The following VWC2 variants were observed in gnomAD, a reference collection of about 807,000 sequenced individuals.
VWC2 encodes brorin.
A neutral mutation model predicts 29.8 loss-of-function variants in VWC2; 14 were observed. The observed-to-expected ratio is 0.47, with a 90% confidence interval of 0.31 to 0.74. The LOEUF (loss-of-function observed/expected upper bound fraction) is 0.74. VWC2 is among the 30% of genes least tolerant of loss of function. The pLI, the probability that VWC2 is intolerant of heterozygous loss-of-function variation, is 0.05. For missense variants in VWC2, 457 were observed against 459.8 expected (o/e 0.99, Z 0.05); for synonymous variants, 213 against 199.0 (o/e 1.07, Z -0.59).
chr7:49,779,589 T>A (rs1254781321), intron 2 of VWC2, among the ~76,000 whole-genome samples: 3 of 152,078 alleles, frequency 2.0e-5, no homozygotes, highest in Non-Finnish European at 4.4e-5. Context: ...TGGCTTATTT[T>A]TTTTTTTCAG....
rs374362608 is a variant in VWC2, at chr7:49,917,571, C to G, written c.*5386C>G. Reference sequence around the variant, plus strand: ...TATCAAAAGCAATCAAAGTATGTACCTAAAGTCAATTTAGTATATTATGAA... The same window carrying G: ...TATCAAAAGCAATCAAAGTATGTACGTAAAGTCAATTTAGTATATTATGAA... On this transcript the variant is annotated 3_prime_UTR_variant, in exon 4 of 4. Coordinates refer to ENST00000340652, the MANE Select transcript of VWC2 (RefSeq NM_198570.5). 9 of 152,192 alleles carry G rather than the reference C, an allele frequency of 5.9e-5. No homozygotes were observed. Among genetic ancestry groups the G allele is most frequent in the Middle Eastern group, 3.4e-3 (1 of 294 alleles). 9.4% of individuals were successfully genotyped at this position (152,192 alleles called of 1,614,324 possible).
intron 3 of VWC2, among the ~76,000 whole-genome samples, chr7:49,884,521 C>T (rs1791811946): frequency 6.6e-6 from 1 of 152,082 alleles, no homozygotes; most frequent in African/African-American, 2.4e-5. Context: ...TTCTCTGGAT[C>T]CTGGGATCCA....
chr7:49,896,356 T>A (rs1456702442), intron 3 of VWC2, among the ~76,000 whole-genome samples: 1 of 151,972 alleles, frequency 6.6e-6, no homozygotes, highest in African/African-American at 2.4e-5. Flanking sequence ...AAGGAAAGTA[T>A]AACACATCAC....
intron 3 of VWC2, among the ~76,000 whole-genome samples, chr7:49,903,004 A>AAC (rs1270670673): frequency 3.3e-5 from 5 of 152,162 alleles, no homozygotes; most frequent in Non-Finnish European, 7.4e-5. Flanking sequence ...ATGGCAAATA[A>AAC]ACACATGAAA....
rs1459527116 is a variant in VWC2 at position 49,845,841 on chromosome 7, C to CAGGA, written c.826+43008_826+43011dup. ...TGGGAGTGGCAAACAAACAGCAATG[C>CAGGA]AGGAAGGAAGAGCGAGTGAGTTAGT... On this transcript the variant is annotated intron_variant, in intron 3 of 3. Transcript: ENST00000340652. Among the ~76,000 whole-genome samples, 3 of 152,278 alleles carry CAGGA rather than the reference C, an allele frequency of 2.0e-5. No homozygotes were observed. The East Asian group carries it at 5.8e-4, about 29-fold the overall frequency.
intron 3 of VWC2, among the ~76,000 whole-genome samples, chr7:49,839,235 G>A (rs775071706): frequency 5.3e-5 from 8 of 152,170 alleles, no homozygotes; most frequent in Non-Finnish European, 1.2e-4. Context: ...TACCCAGTCT[G>A]TGATATTTTA....
In VWC2 at chr7:49,788,741, T is replaced by G. The variant is rs568923449; in HGVS notation, c.696+12610T>G. Among the ~76,000 whole-genome samples the G allele has an allele frequency of 3.8e-3, 535 of 142,252 alleles. 2 individuals carry two copies. Among genetic ancestry groups the G allele is most frequent in the Non-Finnish European group, 6.7e-3 (437 of 65,270 alleles). The allele number at this position is 142,252 out of a possible 152,430, so 93.3% of individuals were successfully genotyped here. On this transcript the variant is annotated intron_variant, in intron 2 of 3. Transcript: ENST00000340652. ...TGGGTGTGGGGTGTGTGTGGATGTG[T>G]GTGTGGATGTGGGTGTGGGGGTGTG...
chr7:49,898,170 G>C (rs943358613), intron 3 of VWC2, among the ~76,000 whole-genome samples: 1 of 151,720 alleles, frequency 6.6e-6, no homozygotes, highest in Non-Finnish European at 1.5e-5. Flanking sequence ...TGCTTTATAT[G>C]TGTGTGTGTA....
At chr7:49,878,631 A>G (rs1791545528) in intron 3 of VWC2, among the ~76,000 whole-genome samples, 1 of 152,072 alleles carries the variant, frequency 6.6e-6, no homozygotes, top group African/African-American at 2.4e-5. Flanking sequence ...CAAGTTGTAT[A>G]TTATTATTAG....
At chr7:49,796,863 G>C (rs142138662) in intron 2 of VWC2, among the ~76,000 whole-genome samples, 1 of 152,244 alleles carries the variant, frequency 6.6e-6, no homozygotes, top group East Asian at 1.9e-4. Context: ...ACTCATATAG[G>C]AGTGTGAATC....
Position 49,912,549 on chromosome 7 carries a change from G to A in VWC2, c.*364G>A, listed in dbSNP as rs773436297. On this transcript the variant is annotated 3_prime_UTR_variant, in exon 4 of 4. Transcript: ENST00000340652. Reference sequence around the variant, plus strand: ...TGCTGTGTTGTCAACCGTCCTCACCGTGTACCTGCATATCTTTTTCAGTTC... The same window carrying A: ...TGCTGTGTTGTCAACCGTCCTCACCATGTACCTGCATATCTTTTTCAGTTC... 1.9e-4 allele frequency: 32 copies of A among 165,196 alleles called. No individual in the cohort carries two copies. The highest frequency in any genetic ancestry group is 3.6e-4 in the Non-Finnish European group (27 of 75,974). 10.2% of individuals were successfully genotyped at this position (165,196 alleles called of 1,614,324 possible).
rs534545403 is a variant in VWC2, at chr7:49,788,828, G to A, written c.696+12697G>A. 8.1e-5 allele frequency among the ~76,000 whole-genome samples: 12 copies of A among 148,334 alleles called. No individual in the cohort carries two copies. In the East Asian group the frequency reaches 2.4e-3, roughly 30 times the overall value. On this transcript the variant is annotated intron_variant, in intron 2 of 3. Transcript: ENST00000340652. The stretch of plus-strand genomic sequence containing the variant: ...TGTGGGTGCGTGTGAGAGTGGATAT[G>A]TGGGTATGAGTGTGTGTGAGCATGT...
chr7:49,832,603 T>C (rs1789561212), intron 3 of VWC2, among the ~76,000 whole-genome samples: 1 of 152,290 alleles, frequency 6.6e-6, no homozygotes, highest in East Asian at 1.9e-4. Context: ...TGAAATCTCC[T>C]GTTTTTTAGG....
At chr7:49,834,968 A>G (rs1016734064) in intron 3 of VWC2, among the ~76,000 whole-genome samples, 1 of 152,156 alleles carries the variant, frequency 6.6e-6, no homozygotes, top group Admixed American at 6.5e-5. Flanking sequence ...TTAATATAGA[A>G]AGTGTATTTG....
At chr7:49,909,307 T>A (rs1267568002) in intron 3 of VWC2, among the ~76,000 whole-genome samples, 4 of 152,016 alleles carry the variant, frequency 2.6e-5, no homozygotes, top group African/African-American at 9.7e-5. Context: ...CAAATTTACC[T>A]CTGCAAAAAA....
intron 3 of VWC2, among the ~76,000 whole-genome samples, chr7:49,882,852 GT>G (rs953717391): frequency 1.3e-5 from 2 of 151,334 alleles, no homozygotes; most frequent in African/African-American, 2.4e-5. Flanking sequence ...GTGTTTTTGG[GT>G]TTTTTTTGTT....
At chr7:49,780,954 A>T (rs559472682) in intron 2 of VWC2, among the ~76,000 whole-genome samples, 5 of 152,250 alleles carry the variant, frequency 3.3e-5, no homozygotes, top group Admixed American at 6.5e-5. Context: ...ACCTTCATCT[A>T]AATAGATCTC....
intron 3 of VWC2, among the ~76,000 whole-genome samples, chr7:49,859,790 GCACA>G (rs57768700): frequency 0.019 from 227 of 12,012 alleles, 1 homozygote; most frequent in Non-Finnish European, 0.031. Context: ...GCGCGTGCGT[GCACA>G]CACACACACA....
intron 3 of VWC2, among the ~76,000 whole-genome samples, chr7:49,863,955 T>A (rs1029851584): frequency 6.6e-6 from 1 of 152,198 alleles, no homozygotes. Flanking sequence ...TTTTAAAATA[T>A]TTTTTCTTTA....
Sources: gnomAD v4.1 joint callset for allele counts (sites outside exome capture counted in the v4.1 genomes callset) on GRCh38, gnomAD v4.1.1 for gene constraint, MANE v1.5 for transcripts, NCBI Gene and HGNC (gene_info 2026-07-23, HGNC 2026-07-21) for gene names.